Variants in ARMH4 observed in about 807,000 individuals in gnomAD.
The protein encoded by ARMH4 is armadillo like helical domain containing 4, also known as armadillo-like helical domain-containing protein 4.
In ARMH4, 49 loss-of-function variants were observed where a neutral mutation model predicts 61.9. The observed-to-expected ratio is 0.79, with a 90% CI of 0.63 to 1.00. The LOEUF is 1.00. Among genes scored for constraint, ARMH4 ranks in the 50% least tolerant of loss-of-function variants. ARMH4 has a pLI of 0.00. For synonymous variants in ARMH4, 368 were observed against 341.5 expected, an observed-to-expected ratio of 1.08 and a Z score of -0.85; for missense variants, 934 against 930.0, an observed-to-expected ratio of 1.00 and a Z score of -0.06.
chr14:58,032,033 C>G (rs774110859), intron 5 of ARMH4, among the ~76,000 whole-genome samples: 2 of 152,174 alleles, frequency 1.3e-5, no homozygotes, highest in Admixed American at 1.3e-4. Context: ...TGCCCCACTT[C>G]CAAACCTTCA....
intron 5 of ARMH4, among the ~76,000 whole-genome samples, chr14:58,088,457 A>G (rs1378420681): frequency 1.7e-5 from 2 of 120,652 alleles, no homozygotes; most frequent in Middle Eastern, 4.1e-3. Context: ...AGCTAATGTG[A>G]AAAAAAAAAA....
intron 5 of ARMH4, among the ~76,000 whole-genome samples, chr14:58,045,356 G>A (rs143384087): frequency 0.043 from 6,486 of 152,080 alleles, 156 homozygotes; most frequent in South Asian, 0.053. Flanking sequence ...GCCAACTATC[G>A]CAAGGACAAA....
chr14:58,029,299 T>C (rs1007238129), intron 5 of ARMH4, among the ~76,000 whole-genome samples: 10 of 152,046 alleles, frequency 6.6e-5, no homozygotes, highest in African/African-American at 2.4e-4. Context: ...AATGGCGCAA[T>C]CTCGGCTCAC....
chr14:58,004,777 G>A lies in ARMH4; in HGVS notation c.2284C>T (p.Arg762Ter), dbSNP rs769484368. The A allele has an allele frequency of 8.1e-6, 13 of 1,610,950 alleles. No homozygotes were observed. In the Admixed American group the frequency reaches 8.3e-5, roughly 10 times the overall value. ...KQREFNSMQD[R>*]VMLLADSSED... is the part of the protein sequence containing the mutation. ...GAGCTGTCGGCTAAGAGCATTACTC[G>A]ATCTTGCATGCTGTTGAATTCTCTC... Residue 762 changes from arginine to a stop codon, truncating the protein, a stop_gained, in exon 8 of 8, where the codon CGA (arginine) becomes TGA (stop). Transcript: ENST00000267485. LOFTEE classifies it high-confidence loss of function.
intron 4 of ARMH4, among the ~76,000 whole-genome samples, chr14:58,110,452 A>C (rs1886319172): frequency 6.6e-6 from 1 of 152,160 alleles, no homozygotes; most frequent in African/African-American, 2.4e-5. Context: ...GAACAAACTC[A>C]CTGAGGGAGC....
intron 6 of ARMH4, among the ~76,000 whole-genome samples, chr14:58,009,973 T>A (rs1882341034): frequency 6.6e-6 from 1 of 152,072 alleles, no homozygotes; most frequent in South Asian, 2.1e-4. Context: ...ATTCAGAACT[T>A]TTGAAAACAC....
At chr14:58,104,372 C>T (rs190171509) in intron 4 of ARMH4, among the ~76,000 whole-genome samples, 5 of 152,326 alleles carry the variant, frequency 3.3e-5, no homozygotes, top group Admixed American at 3.3e-4. Context: ...ATAAGATTTA[C>T]TATTTGTCCT....
At chr14:58,015,929 A>G (rs954292306) in intron 5 of ARMH4, among the ~76,000 whole-genome samples, 4 of 142,876 alleles carry the variant, frequency 2.8e-5, no homozygotes, top group Non-Finnish European at 6.0e-5. Context: ...AAATTTAAAG[A>G]TGATTATTTA....
At chr14:58,099,643 G>A (rs1339095162) in intron 4 of ARMH4, among the ~76,000 whole-genome samples, 2 of 152,130 alleles carry the variant, frequency 1.3e-5, no homozygotes, top group Non-Finnish European at 2.9e-5. Context: ...AGAAAATAGG[G>A]GGCAGGTGGA....
intron 5 of ARMH4, among the ~76,000 whole-genome samples, chr14:58,061,900 C>T (rs1212765718): frequency 6.6e-6 from 1 of 151,966 alleles, no homozygotes; most frequent in African/African-American, 2.4e-5. Context: ...ATCCAGCTTG[C>T]ACTGGGCCCT....
chr14:58,123,140 G>A (rs376716811), intron 4 of ARMH4, among the ~76,000 whole-genome samples: 51 of 152,228 alleles, frequency 3.4e-4, no homozygotes, highest in African/African-American at 1.1e-3. Context: ...CTTTTCACAC[G>A]CTTTTCTAAT....
intron 5 of ARMH4, among the ~76,000 whole-genome samples, chr14:58,013,575 C>A (rs951047807): frequency 3.3e-5 from 5 of 152,080 alleles, no homozygotes; most frequent in African/African-American, 1.2e-4. Context: ...CTGATGATGG[C>A]TAGCATGCAC....
intron 5 of ARMH4, among the ~76,000 whole-genome samples, chr14:58,024,954 C>T (rs1329908866): frequency 6.6e-6 from 1 of 152,066 alleles, no homozygotes; most frequent in Non-Finnish European, 1.5e-5. Flanking sequence ...TTAAAGACCA[C>T]TGATCACAGA....
intron 1 of ARMH4, among the ~76,000 whole-genome samples, chr14:58,148,558 T>C (rs1887822026): frequency 6.6e-6 from 1 of 152,178 alleles, no homozygotes. Context: ...ATTCCTTTGT[T>C]TGCCACATAA....
Position 58,134,593 on chromosome 14 carries a change from G to A in ARMH4, c.1370-1252C>T, listed in dbSNP as rs17094360. On this transcript the variant is annotated intron_variant, in intron 2 of 7. Transcript: ENST00000267485. ...TTAGTTCTAGATACTAAGTATTTTA[G>A]CAAGATCAGTAAGTTATACAATGAA... Among the ~76,000 whole-genome samples, 154 of 152,126 alleles carry A rather than the reference G, an allele frequency of 1.0e-3. 1 individual carries two copies. The East Asian group carries it at 0.024, about 24-fold the overall frequency.
chr14:58,047,380 T>C (rs537919056), intron 5 of ARMH4, among the ~76,000 whole-genome samples: 1 of 152,330 alleles, frequency 6.6e-6, no homozygotes, highest in African/African-American at 2.4e-5. Context: ...GTTTAGTGAA[T>C]GTGGATTTTA....
chr14:58,103,512 C>A (rs1207786201), intron 4 of ARMH4, among the ~76,000 whole-genome samples: 1 of 150,770 alleles, frequency 6.6e-6, no homozygotes, highest in Non-Finnish European at 1.5e-5. Flanking sequence ...ATAAAACCAA[C>A]TCCCGCCCCC....
intron 6 of ARMH4, among the ~76,000 whole-genome samples, chr14:58,010,286 T>C (rs1407692912): frequency 1.3e-5 from 2 of 152,174 alleles, no homozygotes; most frequent in African/African-American, 4.8e-5. Flanking sequence ...TACATGTATC[T>C]TCTCAAACTC....
intron 5 of ARMH4, among the ~76,000 whole-genome samples, chr14:58,083,458 C>G (rs1885290627): frequency 6.6e-6 from 1 of 151,922 alleles, no homozygotes; most frequent in Non-Finnish European, 1.5e-5. Context: ...TGGCGTGTGC[C>G]TGTAGTCCCA....
Sources: gnomAD v4.1 joint callset for allele counts (sites outside exome capture counted in the v4.1 genomes callset) on GRCh38, gnomAD v4.1.1 for gene constraint, MANE v1.5 for transcripts, NCBI Gene and HGNC (gene_info 2026-07-23, HGNC 2026-07-21) for gene names.